ARFGEF2: variants seen among roughly 807,000 people sequenced by gnomAD.
ARFGEF2 encodes the protein ARF guanine nucleotide exchange factor 2.
Under a neutral mutation model 219.9 loss-of-function variants are expected in ARFGEF2, and 74 were observed. The ratio of observed to expected loss-of-function variants is 0.34; its 90% CI spans 0.28 to 0.41. The LOEUF (loss-of-function observed/expected upper bound fraction) is 0.41, where lower values mean the gene tolerates loss of function less well. Among genes scored for constraint, ARFGEF2 ranks in the 10% least tolerant of loss-of-function variants. ARFGEF2 has a pLI of 1.00. For missense variants in ARFGEF2, 1,743 were observed against 2,218.3 expected, an observed-to-expected ratio of 0.79 and a Z score of 4.30; for synonymous variants, 733 against 799.2, an observed-to-expected ratio of 0.92 and a Z score of 1.40.
At chr20:49,011,823 T>C in intron 27 of ARFGEF2, 101 bp from the exon 28 acceptor site, 5 of 1,289,352 alleles carry the variant, frequency 3.9e-6, no homozygotes, top group Non-Finnish European at 5.6e-6. Context: ...GTTAATTATC[T>C]CTGATGTATG....
At chr20:49,016,177 A>G in intron 30 of ARFGEF2, 103 bp from the exon 31 acceptor site, 3 of 1,213,556 alleles carry the variant, frequency 2.5e-6, no homozygotes, top group Non-Finnish European at 3.6e-6. Flanking sequence ...CTTGATACAT[A>G]TCACCAAATT....
intron 1 of ARFGEF2, among the ~76,000 whole-genome samples, chr20:48,936,245 G>C (rs1406162780): frequency 6.8e-6 from 1 of 147,132 alleles, no homozygotes; most frequent in Non-Finnish European, 1.5e-5. Context: ...CTGGCCGGGC[G>C]GGGGGCTGAC....
intron 36 of ARFGEF2, 133 bp downstream of exon 36, chr20:49,025,614 G>A (rs2091597392): frequency 3.9e-6 from 4 of 1,021,100 alleles, no homozygotes; most frequent in Non-Finnish European, 4.5e-6. Context: ...TTGAGGGGGA[G>A]AGAAGGGAAA....
chr20:48,955,781 A>G (rs1025376151), intron 6 of ARFGEF2, among the ~76,000 whole-genome samples: 3 of 152,172 alleles, frequency 2.0e-5, no homozygotes, highest in Non-Finnish European at 2.9e-5. Context: ...ACCTTTAAAA[A>G]GAGCAAGTGG....
intron 6 of ARFGEF2, among the ~76,000 whole-genome samples, chr20:48,955,808 C>T (rs2091102042): frequency 6.6e-6 from 1 of 152,172 alleles, no homozygotes; most frequent in Non-Finnish European, 1.5e-5. Context: ...TGCCATGGCA[C>T]ACACCTGTAT....
At chr20:48,957,333 G>C (rs1181995658) in intron 6 of ARFGEF2, among the ~76,000 whole-genome samples, 1 of 152,188 alleles carries the variant, frequency 6.6e-6, no homozygotes, top group Non-Finnish European at 1.5e-5. Context: ...CAAAATTCAG[G>C]ATCTGTTAGG....
Position 49,035,861 on chromosome 20 carries a change from C to A in ARFGEF2, c.*2662C>A. ...GGATGGGTAATTTTTATTTCTGATACGCATCTTTAGAGTCAAATATATCTT... is the reference window on the plus strand; with the variant it reads ...GGATGGGTAATTTTTATTTCTGATAAGCATCTTTAGAGTCAAATATATCTT... On this transcript the variant is annotated 3_prime_UTR_variant, in exon 39 of 39. Coordinates refer to ENST00000371917, the MANE Select transcript of ARFGEF2 (RefSeq NM_006420.3). 8.2e-6 allele frequency: 2 copies of A among 242,640 alleles called. No individual in the cohort carries two copies. The highest frequency in any genetic ancestry group is 5.5e-5 in the Admixed American group (1 of 18,034). 15.0% of individuals were successfully genotyped at this position (242,640 alleles called of 1,614,324 possible).
Position 49,010,301 on chromosome 20 carries a change from C to T in ARFGEF2, c.3654C>T (p.Ile1218=). Residue 1218 remains isoleucine (I), a synonymous_variant, in exon 27 of 39, where the codon ATC becomes ATT. Coordinates refer to ENST00000371917, the MANE Select transcript of ARFGEF2 (RefSeq NM_006420.3). The part of the protein sequence containing the change: ...AQMVNSQAAN[I]RSGWKNIFAV... ...TGGTGAACTCCCAGGCGGCCAACAT[C>T]CGCTCAGGTTGGAAGAACATCTTTG... 6.2e-7 allele frequency: 1 copy of T among 1,614,172 alleles called. No homozygotes were observed. The highest frequency in any genetic ancestry group is 1.1e-5 in the South Asian group (1 of 91,086).
intron 6 of ARFGEF2, among the ~76,000 whole-genome samples, chr20:48,960,631 C>G (rs924583543): frequency 6.6e-6 from 1 of 151,574 alleles, no homozygotes; most frequent in African/African-American, 2.4e-5. Context: ...TTACAGGTGC[C>G]CGCTACCACA....
chr20:48,975,952 C>G, intron 13 of ARFGEF2, 64 bp from the exon 14 acceptor site: 1 of 1,549,164 alleles, frequency 6.5e-7, no homozygotes, highest in Non-Finnish European at 8.9e-7. Context: ...GCAGCCAGAC[C>G]TAGCTCGGCT....
chr20:49,002,237 AAAAAT>A (rs1452802891), intron 25 of ARFGEF2, among the ~76,000 whole-genome samples: 1 of 152,198 alleles, frequency 6.6e-6, no homozygotes, highest in Non-Finnish European at 1.5e-5. Context: ...GCTCTGTCTC[AAAAAT>A]AAAATAAATA....
At chr20:48,999,470 C>G (rs190852609) in intron 25 of ARFGEF2, among the ~76,000 whole-genome samples, 3 of 152,056 alleles carry the variant, frequency 2.0e-5, no homozygotes, top group Non-Finnish European at 4.4e-5. Flanking sequence ...TGTATGTGGC[C>G]GGGCGTCATG....
chr20:49,001,203 C>CTAATTTTTGTATTTTCAGTAAAGACAG (rs1440167082), intron 25 of ARFGEF2, among the ~76,000 whole-genome samples: 1 of 151,692 alleles, frequency 6.6e-6, no homozygotes, highest in Non-Finnish European at 1.5e-5. Context: ...CCACACCTAG[C>CTAATTTTTGTATTTTCAGTAAAGACAG]TAATTTTTGT....
chr20:49,008,834 A>G (rs1340721160), intron 26 of ARFGEF2, among the ~76,000 whole-genome samples: 1 of 151,410 alleles, frequency 6.6e-6, no homozygotes, highest in Non-Finnish European at 1.5e-5. Context: ...CAGCCTCCCA[A>G]GTACCTGGAA....
At chr20:48,964,953 A>G (rs2091178718) in intron 7 of ARFGEF2, among the ~76,000 whole-genome samples, 1 of 152,236 alleles carries the variant, frequency 6.6e-6, no homozygotes, top group Non-Finnish European at 1.5e-5. Flanking sequence ...GCCCATGTCT[A>G]TACTGGGATA....
chr20:49,024,589 G>A (rs148256988), intron 35 of ARFGEF2, among the ~76,000 whole-genome samples: 236 of 152,316 alleles, frequency 1.5e-3, no homozygotes, highest in Non-Finnish European at 1.2e-3. Flanking sequence ...CAAAAGTAAT[G>A]TAAATTTTAT....
rs771617796 is a variant in ARFGEF2, at chr20:49,028,614, A to G, written c.5009A>G (p.Tyr1670Cys). 5.0e-6 allele frequency: 8 copies of G among 1,614,234 alleles called. No individual in the cohort carries two copies. Among genetic ancestry groups the G allele is most frequent in the Non-Finnish European group, 5.9e-6 (7 of 1,180,030 alleles). ...TGTTTGAGGATCCTGTTTCGAATGT[A>G]TGTTGATGAGAACCGCAGGGATTCC... ...ACCLRILFRM[Y>C]VDENRRDSWE... is the part of the protein sequence containing the mutation. Residue 1670 changes from tyrosine to cysteine, a missense_variant, in exon 37 of 39, where the codon TAT becomes TGT. Around this residue, in one of 5 missense-constraint regions of ARFGEF2, gnomAD observed 578 missense variants for 664.0 expected, o/e 0.87. Transcript: ENST00000371917.
intron 6 of ARFGEF2, among the ~76,000 whole-genome samples, chr20:48,960,403 G>C (rs1185704169): frequency 1.3e-5 from 2 of 152,176 alleles, no homozygotes. Context: ...GAGTGAATGT[G>C]AAGGCCTGGG....
chr20:48,945,449 A>T (rs973360036), intron 3 of ARFGEF2, among the ~76,000 whole-genome samples: 2 of 152,168 alleles, frequency 1.3e-5, no homozygotes, highest in African/African-American at 4.8e-5. Flanking sequence ...TTAGTAACAG[A>T]AATCGTTTGT....
Sources: gnomAD v4.1 joint callset for allele counts (sites outside exome capture counted in the v4.1 genomes callset) on GRCh38, gnomAD v4.1.1 for gene constraint, gnomAD v4.1.1 regional missense constraint, MANE v1.5 for transcripts, NCBI Gene and HGNC (gene_info 2026-07-23, HGNC 2026-07-21) for gene names.